The following NCKAP5 variants were observed in gnomAD, a reference collection of about 807,000 sequenced individuals.
The protein encoded by NCKAP5 is nck-associated protein 5.
Under a neutral mutation model 167.0 loss-of-function variants are expected in NCKAP5, and 92 were observed. That is an observed-to-expected ratio of 0.55 (90% confidence interval 0.47 to 0.66). NCKAP5 has a LOEUF of 0.66. NCKAP5 is among the 30% of genes least tolerant of loss of function. The pLI is 0.00. For synonymous variants in NCKAP5, 891 were observed against 877.4 expected, an observed-to-expected ratio of 1.02 and a Z score of -0.27; for missense variants, 2,378 against 2,315.0, an observed-to-expected ratio of 1.03 and a Z score of -0.56.
chr2:133,399,415 G>A (rs2151016543), intron 3 of NCKAP5, among the ~76,000 whole-genome samples: 1 of 151,998 alleles, frequency 6.6e-6, no homozygotes. Flanking sequence ...TAAAACAGCT[G>A]TCATTATAAA....
intron 3 of NCKAP5, among the ~76,000 whole-genome samples, chr2:133,338,218 A>C (rs1683342441): frequency 1.3e-5 from 2 of 152,232 alleles, no homozygotes; most frequent in Admixed American, 6.5e-5. Flanking sequence ...AATGCTGTGA[A>C]GCAGTGGAGT....
intron 4 of NCKAP5, among the ~76,000 whole-genome samples, chr2:133,264,350 T>A (rs766951150): frequency 1.3e-4 from 20 of 152,254 alleles, no homozygotes; most frequent in Non-Finnish European, 2.6e-4. Context: ...ATGGAGATAA[T>A]GTCTTTGAAA....
At chr2:133,287,043 C>T (rs980263144) in intron 4 of NCKAP5, among the ~76,000 whole-genome samples, 1 of 152,190 alleles carries the variant, frequency 6.6e-6, no homozygotes, top group Non-Finnish European at 1.5e-5. Flanking sequence ...TGGTACAGAA[C>T]TCACTATCTC....
At chr2:133,184,819 T>C (rs2084877612) in intron 5 of NCKAP5, among the ~76,000 whole-genome samples, 1 of 152,128 alleles carries the variant, frequency 6.6e-6, no homozygotes, top group African/African-American at 2.4e-5. Flanking sequence ...TTGGTTTGTA[T>C]TTTGCTTGTT....
intron 3 of NCKAP5, among the ~76,000 whole-genome samples, chr2:133,331,878 G>T (rs2150727839): frequency 6.6e-6 from 1 of 152,222 alleles, no homozygotes; most frequent in East Asian, 1.9e-4. Context: ...TCGGTTTGAG[G>T]ACAGTGACCC....
chr2:132,967,983 A>G (rs1481881460), intron 7 of NCKAP5, among the ~76,000 whole-genome samples: 2 of 151,980 alleles, frequency 1.3e-5, no homozygotes, highest in Non-Finnish European at 2.9e-5. Context: ...TTTGGGGAAG[A>G]GCATTCCCAG....
rs1326408819 is a variant in NCKAP5, at chr2:132,783,128, G to C, written c.3683C>G (p.Ala1228Gly). Residue 1228 changes from alanine (A) to glycine (G), a missense_variant, in exon 14 of 20, where the codon GCA becomes GGA. Ala to Gly is a moderately conservative substitution (Grantham distance 60). Around this residue, in one of 3 missense-constraint regions of NCKAP5, gnomAD observed 1,325 missense variants for 1,274.5 expected, o/e 1.04. Transcript: ENST00000409261. ...SLADGLPLETALQEPLESSIP... is the reference protein window; with the variant it reads ...SLADGLPLETGLQEPLESSIP... ...GCTACTTTCCAATGGCTCTTGTAGT[G>C]CTGTTTCCAGGGGAAGCCCATCAGC... The C allele has an allele frequency of 6.2e-7, 1 of 1,613,600 alleles. No individual in the cohort carries two copies. Among genetic ancestry groups the C allele is most frequent in the Admixed American group, 1.7e-5 (1 of 59,978 alleles).
chr2:133,416,553 A>G (rs1041296723), intron 3 of NCKAP5, among the ~76,000 whole-genome samples: 3 of 152,122 alleles, frequency 2.0e-5, no homozygotes, highest in African/African-American at 7.2e-5. Flanking sequence ...GAAAGGCTCT[A>G]GTTCTGAAAG....
At position 132,868,918 on chromosome 2, in the gene NCKAP5, A is replaced by G. The variant is rs1325097717; in HGVS notation, c.687+18T>C. ...CACAAAAGTGCCTTGAAAAGAACAA[A>G]GTCAGAAAGTGACCTACCTTTTGAG... On this transcript the variant is annotated intron_variant, in intron 10 of 19. Transcript: ENST00000409261. 1 of 1,537,154 alleles carries G rather than the reference A, an allele frequency of 6.5e-7. No individual in the cohort carries two copies. The highest frequency in any genetic ancestry group is 1.2e-5 in the South Asian group (1 of 80,296).
chr2:132,905,394 CA>C (rs1260949212), intron 8 of NCKAP5, among the ~76,000 whole-genome samples: 1 of 152,104 alleles, frequency 6.6e-6, no homozygotes, highest in Non-Finnish European at 1.5e-5. Context: ...TATGGCGAGC[CA>C]GCATTTGTGA....
intron 8 of NCKAP5, among the ~76,000 whole-genome samples, chr2:132,913,355 C>A (rs762855066): frequency 3.9e-5 from 6 of 151,994 alleles, no homozygotes; most frequent in Non-Finnish European, 7.4e-5. Context: ...CCAGATGGAA[C>A]CTGGGTCACT....
chr2:133,346,435 G>T (rs542861471), intron 3 of NCKAP5, among the ~76,000 whole-genome samples: 2 of 152,220 alleles, frequency 1.3e-5, no homozygotes, highest in African/African-American at 4.8e-5. Flanking sequence ...TTGCTGAGAC[G>T]TGTGAGATTA....
intron 11 of NCKAP5, among the ~76,000 whole-genome samples, chr2:132,823,901 A>G (rs1686942440): frequency 1.3e-5 from 2 of 152,290 alleles, no homozygotes; most frequent in South Asian, 4.1e-4. Flanking sequence ...CAAGCTGACA[A>G]AACATACTTT....
chr2:132,686,096 G>C (rs1685902452), intron 19 of NCKAP5, among the ~76,000 whole-genome samples: 1 of 152,144 alleles, frequency 6.6e-6, no homozygotes, highest in South Asian at 2.1e-4. Context: ...GGGTAAAAAA[G>C]CAATCTCAAA....
chr2:132,887,462 T>C (rs1011554661), intron 8 of NCKAP5, among the ~76,000 whole-genome samples: 1 of 152,188 alleles, frequency 6.6e-6, no homozygotes, highest in Non-Finnish European at 1.5e-5. Flanking sequence ...ACTGCAATTA[T>C]GTTTGCACCA....
intron 6 of NCKAP5, among the ~76,000 whole-genome samples, chr2:133,075,464 C>T (rs961204373): frequency 1.1e-4 from 16 of 152,098 alleles, no homozygotes; most frequent in African/African-American, 3.9e-4. Context: ...TATTTTTATT[C>T]TTTTAAGTTC....
intron 5 of NCKAP5, among the ~76,000 whole-genome samples, chr2:133,162,744 A>AC (rs981882889): frequency 6.6e-6 from 1 of 152,126 alleles, no homozygotes; most frequent in African/African-American, 2.4e-5. Context: ...CACAATACAT[A>AC]GTCTTATAAG....
At chr2:133,163,481 T>C (rs1312931067) in intron 5 of NCKAP5, among the ~76,000 whole-genome samples, 2 of 152,214 alleles carry the variant, frequency 1.3e-5, no homozygotes, top group African/African-American at 4.8e-5. Flanking sequence ...TCAGAAAATA[T>C]TATTACATCT....
chr2:133,670,570 T>A, the NCKAP5 span, among the ~76,000 whole-genome samples: 1 of 152,196 alleles, frequency 6.6e-6, no homozygotes, highest in Admixed American at 6.5e-5. Context: ...ATTGTGCATC[T>A]TGTGGCAGGC....
Sources: gnomAD v4.1 joint callset for allele counts (sites outside exome capture counted in the v4.1 genomes callset) on GRCh38, gnomAD v4.1.1 for gene constraint, gnomAD v4.1.1 regional missense constraint, MANE v1.5 for transcripts, NCBI Gene and HGNC (gene_info 2026-07-23, HGNC 2026-07-21) for gene names.